MTAP: variants seen among roughly 807,000 people sequenced by gnomAD.
MTAP encodes the protein S-methyl-5'-thioadenosine phosphorylase.
In MTAP, 33 loss-of-function variants were observed where a neutral mutation model predicts 33.6. That is an observed-to-expected ratio of 0.98 (90% CI 0.74 to 1.31). The LOEUF is 1.31. Ranked by LOEUF, MTAP falls within the 40% of genes most tolerant of loss-of-function variation. The pLI, the probability that MTAP is intolerant of heterozygous loss-of-function variation, is 0.00. For synonymous variants in MTAP, 148 were observed against 125.7 expected, an observed-to-expected ratio of 1.18 and a Z score of -1.19; for missense variants, 367 against 360.0, an observed-to-expected ratio of 1.02 and a Z score of -0.16.
chr9:21,833,237 G>A (rs1246563734), intron 4 of MTAP, among the ~76,000 whole-genome samples: 2 of 152,088 alleles, frequency 1.3e-5, no homozygotes, highest in African/African-American at 4.8e-5. Context: ...CCAAGCTGGA[G>A]TACAGTGGCG....
chr9:21,818,367 T>C (rs1824540664), intron 4 of MTAP, among the ~76,000 whole-genome samples, 165 bp downstream of exon 4: 2 of 120,852 alleles, frequency 1.7e-5, no homozygotes, highest in African/African-American at 6.5e-5. Flanking sequence ...TCACTCTGTC[T>C]CCCAGGCTGG....
At chr9:21,875,409 G>C (rs1301367277) in intron 1 of MTAP, among the ~76,000 whole-genome samples, 1 of 152,100 alleles carries the variant, frequency 6.6e-6, no homozygotes, top group Non-Finnish European at 1.5e-5. Flanking sequence ...AGAAGTGTCT[G>C]TTCATATCCT....
At chr9:21,888,896 A>T (rs903493430) in intron 1 of MTAP, among the ~76,000 whole-genome samples, 7 of 152,214 alleles carry the variant, frequency 4.6e-5, no homozygotes, top group Non-Finnish European at 8.8e-5. Context: ...AGGCAAAAGC[A>T]TCATGTAATC....
rs146786936 is a variant in MTAP at position 21,821,372 on chromosome 9, A to G, written c.347+3170A>G. Among the ~76,000 whole-genome samples the G allele has an allele frequency of 9.6e-3, 1,462 of 152,322 alleles. 35 individuals carry two copies. The highest frequency in any genetic ancestry group is 0.033 in the African/African-American group (1,387 of 41,572). On this transcript the variant is annotated intron_variant, in intron 4 of 7. Coordinates refer to ENST00000644715, the MANE Select transcript of MTAP (RefSeq NM_002451.4). ...TTTGTCAAAGGCCTATTCTGCATCT[A>G]TTGAGATAATCATGTAGTTTTTGTC...
chr9:21,831,161 A>G (rs1824956998), intron 4 of MTAP, among the ~76,000 whole-genome samples: 1 of 151,976 alleles, frequency 6.6e-6, no homozygotes, highest in Non-Finnish European at 1.5e-5. Flanking sequence ...CCAACTACTA[A>G]CTGTCCATGC....
rs539421207 is a variant in MTAP, at chr9:21,811,443, C to CA, written c.34-3983dup. Among the ~76,000 whole-genome samples the CA allele has an allele frequency of 9.2e-5, 14 of 151,556 alleles. No homozygotes were observed. The South Asian group carries it at 1.9e-3, about 20-fold the overall frequency. On this transcript the variant is annotated intron_variant, in intron 1 of 7. Transcript: ENST00000644715. Reference sequence around the variant, plus strand: ...ACCCTTGGATTGATTTGCTCTTGAACAAAAAAATTTTTTTTTTCACTGTGA... The same window carrying CA: ...ACCCTTGGATTGATTTGCTCTTGAACAAAAAAAATTTTTTTTTTCACTGTGA...
At chr9:21,844,476 C>A (rs1825327382) in intron 5 of MTAP, among the ~76,000 whole-genome samples, 1 of 152,164 alleles carries the variant, frequency 6.6e-6, no homozygotes, top group African/African-American at 2.4e-5. Context: ...TGCAAAAATC[C>A]TCAACAAATT....
intron 4 of MTAP, among the ~76,000 whole-genome samples, chr9:21,833,522 G>C (rs144547107): frequency 2.0e-5 from 3 of 152,260 alleles, no homozygotes; most frequent in African/African-American, 7.2e-5. Context: ...TTAGTCTGAT[G>C]TTTCTGTCAG....
At chr9:21,870,840 C>A (rs184561601), downstream of MTAP, among the ~76,000 whole-genome samples, 4 of 138,676 alleles carry the variant, frequency 2.9e-5, no homozygotes, top group East Asian at 8.5e-4. Context: ...GTGGCATGAT[C>A]TCGGCTCACT....
At chr9:21,912,849 G>C (rs1818602997) in intron 1 of MTAP, among the ~76,000 whole-genome samples, 1 of 152,158 alleles carries the variant, frequency 6.6e-6, no homozygotes, top group Non-Finnish European at 1.5e-5. Context: ...AATTGTCCCT[G>C]TTTGCAGATA....
chr9:21,920,190 C>A (rs1818764469), intron 1 of MTAP, among the ~76,000 whole-genome samples: 1 of 152,068 alleles, frequency 6.6e-6, no homozygotes, highest in South Asian at 2.1e-4. Context: ...TGGCTGGTGT[C>A]TTTTAGAAAG....
chr9:21,847,127 T>C (rs1825403329), intron 5 of MTAP, among the ~76,000 whole-genome samples: 1 of 152,200 alleles, frequency 6.6e-6, no homozygotes, highest in South Asian at 2.1e-4. Flanking sequence ...TACATCTTTC[T>C]CCCGTGCTGG....
chr9:21,821,734 G>T (rs542850432), intron 4 of MTAP, among the ~76,000 whole-genome samples: 1 of 151,988 alleles, frequency 6.6e-6, no homozygotes, highest in Non-Finnish European at 1.5e-5. Context: ...GGTAGAATTC[G>T]GCTGTGAATC....
At chr9:21,822,648 G>A (rs1315098288) in intron 4 of MTAP, among the ~76,000 whole-genome samples, 8 of 152,146 alleles carry the variant, frequency 5.3e-5, no homozygotes, top group East Asian at 1.9e-4. Flanking sequence ...TGTTAGGTCC[G>A]CTTGGTGCAG....
chr9:21,828,550 C>G (rs1374060791), intron 4 of MTAP, among the ~76,000 whole-genome samples: 1 of 152,080 alleles, frequency 6.6e-6, no homozygotes, highest in African/African-American at 2.4e-5. Context: ...TGGTGAGCAC[C>G]TGTAATCCCA....
intron 1 of MTAP, among the ~76,000 whole-genome samples, chr9:21,805,081 G>C (rs1416490871): frequency 1.3e-5 from 2 of 152,228 alleles, no homozygotes; most frequent in Non-Finnish European, 2.9e-5. Flanking sequence ...AACCCCATTG[G>C]TGTCACTGGC....
At chr9:21,803,373 CG>C (rs1824117451) in intron 1 of MTAP, 1 of 159,910 alleles carries the variant, frequency 6.3e-6, no homozygotes, top group African/African-American at 2.4e-5. Context: ...TCCCCAGCAG[CG>C]TAATACTGTA....
At chr9:21,853,486 A>G (rs1187581246) in intron 5 of MTAP, among the ~76,000 whole-genome samples, 1 of 152,224 alleles carries the variant, frequency 6.6e-6, no homozygotes, top group Non-Finnish European at 1.5e-5. Context: ...TCTGTTTCCC[A>G]TTGCAGTGGC....
At chr9:21,802,915 G>C (rs910454897) in intron 1 of MTAP, 134 bp downstream of exon 1, 3 of 1,448,648 alleles carry the variant, frequency 2.1e-6, no homozygotes, top group Non-Finnish European at 2.7e-6. Context: ...GGACTGGGGC[G>C]CGGCACTCGG....
Sources: allele counts gnomAD v4.1 joint callset (sites outside exome capture counted in the v4.1 genomes callset), GRCh38; gene constraint gnomAD v4.1.1; transcripts MANE v1.5; gene names NCBI Gene and HGNC (gene_info 2026-07-23, HGNC 2026-07-21).